The following SAT1 variants were observed in gnomAD, a reference collection of about 807,000 sequenced individuals.
SAT1 encodes spermidine/spermine N1-acetyltransferase 1, also known as diamine acetyltransferase 1.
A neutral mutation model predicts 14.7 loss-of-function variants in SAT1; 1 was observed. The observed-to-expected ratio is 0.07, with a 90% CI of 0.02 to 0.32. SAT1 has a LOEUF of 0.32. Ranked by LOEUF, SAT1 falls within the 10% of genes least tolerant of loss-of-function variation. SAT1 has a pLI of 1.00. For missense variants in SAT1, 77 were observed against 129.1 expected, an observed-to-expected ratio of 0.60 and a Z score of 1.96; for synonymous variants, 67 against 46.1, an observed-to-expected ratio of 1.45 and a Z score of -1.84.
At chrX:23,784,568 C>CTTT (rs9306769) in intron 3 of SAT1, among the ~76,000 whole-genome samples, 18,670 of 60,149 alleles carry the variant, frequency 0.31, 3,364 homozygotes, top group Non-Finnish European at 0.37. Flanking sequence ...TGTCAGATGC[C>CTTT]TTTTTTTTTT....
chrX:23,784,359 T>G, intron 3 of SAT1: 1 of 795,444 alleles, frequency 1.3e-6, no homozygotes, highest in Non-Finnish European at 1.5e-6. Flanking sequence ...GGGAGGTAAC[T>G]AAAAGATCCT....
intron 3 of SAT1, chrX:23,784,134 G>C: frequency 9.5e-7 from 1 of 1,049,227 alleles, no homozygotes; most frequent in Non-Finnish European, 1.2e-6. Flanking sequence ...TGTTTAAGCT[G>C]CTTAAGTAAG....
At position 23,785,859 on chromosome X, in the gene SAT1, A is replaced by C; in HGVS notation, c.*3A>C. The C allele has an allele frequency of 8.5e-7, 1 of 1,174,886 alleles. No individual in the cohort carries two copies. The highest frequency in any genetic ancestry group is 1.1e-6 in the Non-Finnish European group (1 of 875,407). On this transcript the variant is annotated 3_prime_UTR_variant, in exon 6 of 6. Coordinates refer to ENST00000379270, the MANE Select transcript of SAT1 (RefSeq NM_002970.4). ...TAAAAATGGCAACAGAGGAGTGAGG[A>C]GTGCTGCTGTAGATGACAACCTCCA...
chrX:23,785,887 C>T lies in SAT1; in HGVS notation c.*31C>T. 9.0e-7 allele frequency: 1 copy of T among 1,109,774 alleles called. No individual in the cohort carries two copies. The highest frequency in any genetic ancestry group is 1.2e-6 in the Non-Finnish European group (1 of 830,628). The allele number at this position is 1,109,774 out of a possible 1,213,427, so 91.5% of individuals were successfully genotyped here. ...GCTGCTGTAGATGACAACCTCCATT[C>T]TATTTTAGAATAAATTCCCAACTTC... On this transcript the variant is annotated 3_prime_UTR_variant, in exon 6 of 6. Coordinates refer to ENST00000379270, the MANE Select transcript of SAT1 (RefSeq NM_002970.4).
intron 4 of SAT1, 21 bp downstream of exon 4, chrX:23,785,450 G>A: frequency 8.6e-7 from 1 of 1,164,316 alleles, no homozygotes; most frequent in Non-Finnish European, 1.2e-6. Context: ...GTTCGGAGCA[G>A]AGGGTCTGAA....
chrX:23,783,579 C>CCAAACCGT, intron 1 of SAT1, 79 bp from the exon 2 acceptor site: 2 of 770,316 alleles, frequency 2.6e-6, no homozygotes, highest in Non-Finnish European at 3.7e-6. Flanking sequence ...CCGCCCGCCC[C>CCAAACCGT]ATTCCGTTCC....
rs1419940645 is a variant in SAT1 at position 23,786,180 on chromosome X, T to G, written c.*324T>G. The G allele has an allele frequency of 6.5e-6, 1 of 154,487 alleles. No individual in the cohort carries two copies. Among genetic ancestry groups the G allele is most frequent in the Non-Finnish European group, 1.2e-5 (1 of 81,264 alleles). 12.7% of individuals were successfully genotyped at this position (154,487 alleles called of 1,213,427 possible). On this transcript the variant is annotated 3_prime_UTR_variant, in exon 6 of 6. Coordinates refer to ENST00000379270, the MANE Select transcript of SAT1 (RefSeq NM_002970.4). ...ACTGGTACTTAGAGTTTCTGTTTGATTCTTTTTTAATAAACTACTCTTTGA... is the reference window on the plus strand; with the variant it reads ...ACTGGTACTTAGAGTTTCTGTTTGAGTCTTTTTTAATAAACTACTCTTTGA...
At chrX:23,783,523 C>T in intron 1 of SAT1, 106 bp downstream of exon 1, 2 of 940,000 alleles carry the variant, frequency 2.1e-6, no homozygotes, top group Non-Finnish European at 2.9e-6. Context: ...GAGAGCCCAG[C>T]CTGTTCCCCT....
intron 1 of SAT1, 74 bp downstream of exon 1, chrX:23,783,491 G>A (rs936503984): frequency 2.0e-6 from 2 of 1,014,556 alleles, no homozygotes; most frequent in Non-Finnish European, 2.7e-6. Flanking sequence ...GGTGATTCAC[G>A]TCTTGAGGTC....
intron 2 of SAT1, 22 bp downstream of exon 2, chrX:23,783,731 G>A (rs1271775963): frequency 1.7e-6 from 2 of 1,207,157 alleles, no homozygotes; most frequent in South Asian, 3.5e-5. Flanking sequence ...GTGGCGGGAC[G>A]GGGGACAAGC....
Position 23,783,270 on chromosome X carries a change from G to A in SAT1, c.-82G>A. 1.1e-6 allele frequency: 1 copy of A among 950,979 alleles called. No individual in the cohort carries two copies. The highest frequency in any genetic ancestry group is 1.5e-6 in the Non-Finnish European group (1 of 663,921). The allele number at this position is 950,979 out of a possible 1,213,427, so 78.4% of individuals were successfully genotyped here. A position where few individuals can be genotyped will look rare whatever the true frequency, so the allele number is the denominator to read the frequency against. ...CCTGACTGAGAAGAGGACGCTCCCGGGAGACGAATGAGGAACCACCTCCTC... is the reference window on the plus strand; with the variant it reads ...CCTGACTGAGAAGAGGACGCTCCCGAGAGACGAATGAGGAACCACCTCCTC... On this transcript the variant is annotated 5_prime_UTR_variant, in exon 1 of 6. Coordinates refer to ENST00000379270, the MANE Select transcript of SAT1 (RefSeq NM_002970.4).
At chrX:23,785,662 G>GT (rs1449572368) in intron 5 of SAT1, 24 bp from the exon 6 acceptor site, 3 of 1,201,504 alleles carry the variant, frequency 2.5e-6, no homozygotes, top group Non-Finnish European at 1.1e-6. Flanking sequence ...GTCACTGAGT[G>GT]TGTGTTTTAC....
At chrX:23,784,092 G>A in intron 3 of SAT1, 1 of 1,102,286 alleles carries the variant, frequency 9.1e-7, no homozygotes, top group Admixed American at 3.6e-5. Flanking sequence ...AGCTGTTTAA[G>A]TAAGTATCAG....
chrX:23,785,303 A>G (rs1922676227), intron 3 of SAT1, 25 bp from the exon 4 acceptor site: 2 of 1,079,961 alleles, frequency 1.9e-6, no homozygotes, highest in Non-Finnish European at 2.6e-6. Flanking sequence ...CCTTCTCCAC[A>G]TCTCATGTGA....
At position 23,783,298 on chromosome X, in the gene SAT1, A is replaced by G. The variant is rs1922568237; in HGVS notation, c.-54A>G. ...GACGAATGAGGAACCACCTCCTCCT[A>G]CTGTTCAAGTACAGGGGCCTGGTCC... is the stretch of plus-strand genomic sequence containing the variant. On this transcript the variant is annotated 5_prime_UTR_variant, in exon 1 of 6. Transcript: ENST00000379270. 2 of 1,103,232 alleles carry G rather than the reference A, an allele frequency of 1.8e-6. No homozygotes were observed. The highest frequency in any genetic ancestry group is 1.8e-5 in the African/African-American group (1 of 55,819). 90.9% of individuals were successfully genotyped at this position (1,103,232 alleles called of 1,213,427 possible). A position where few individuals can be genotyped will look rare whatever the true frequency, so the allele number is the denominator to read the frequency against.
intron 5 of SAT1, 26 bp from the exon 6 acceptor site, chrX:23,785,660 G>A (rs1249464220): frequency 1.7e-6 from 2 of 1,201,361 alleles, no homozygotes; most frequent in Middle Eastern, 2.3e-4. Context: ...ATGTCACTGA[G>A]TGTGTGTTTT....
chrX:23,783,779 C>T (rs980202313), intron 2 of SAT1, 21 bp from the exon 3 acceptor site: 1 of 1,209,684 alleles, frequency 8.3e-7, no homozygotes, highest in African/African-American at 1.7e-5. Context: ...CCATTACCGC[C>T]CCTGCTCCCC....
Position 23,785,915 on chromosome X carries a change from T to G in SAT1, c.*59T>G. ...TTTTAGAATAAATTCCCAACTTCTCTTGCTTTCTATGCTGTTTGTAGTGAA... is the reference window on the plus strand; with the variant it reads ...TTTTAGAATAAATTCCCAACTTCTCGTGCTTTCTATGCTGTTTGTAGTGAA... On this transcript the variant is annotated 3_prime_UTR_variant, in exon 6 of 6. Transcript: ENST00000379270. The G allele has an allele frequency of 7.2e-6, 7 of 973,072 alleles. No individual in the cohort carries two copies. Among genetic ancestry groups the G allele is most frequent in the Non-Finnish European group, 9.8e-6 (7 of 715,071 alleles). The allele number at this position is 973,072 out of a possible 1,213,427, so 80.2% of individuals were successfully genotyped here.
chrX:23,783,438 C>T, intron 1 of SAT1, 21 bp downstream of exon 1: 5 of 1,189,225 alleles, frequency 4.2e-6, no homozygotes, highest in Non-Finnish European at 5.7e-6. Context: ...GCCAGAGCTC[C>T]TCCCGGGGCG....
Sources: gnomAD v4.1 joint callset for allele counts (sites outside exome capture counted in the v4.1 genomes callset) on GRCh38, gnomAD v4.1.1 for gene constraint, MANE v1.5 for transcripts, NCBI Gene and HGNC (gene_info 2026-07-23, HGNC 2026-07-21) for gene names.